Variants in TANC2 observed in about 807,000 individuals in gnomAD.
The protein encoded by TANC2 is protein TANC2.
In TANC2, 26 loss-of-function variants were observed where a neutral mutation model predicts 210.5. That is an observed-to-expected ratio of 0.12 (90% CI 0.09 to 0.17). The LOEUF (loss-of-function observed/expected upper bound fraction) is 0.17. Ranked by LOEUF, TANC2 falls within the 10% of genes least tolerant of loss-of-function variation. The pLI is 1.00. For missense variants in TANC2, 2,129 were observed against 2,608.9 expected, an observed-to-expected ratio of 0.82 and a Z score of 4.01; for synonymous variants, 931 against 967.1, an observed-to-expected ratio of 0.96 and a Z score of 0.69.
chr17:63,274,593 C>T (rs947248216), intron 9 of TANC2, among the ~76,000 whole-genome samples: 2 of 152,164 alleles, frequency 1.3e-5, no homozygotes, highest in African/African-American at 2.4e-5. Flanking sequence ...GTGGAGGGAT[C>T]ACCTGAGGTC....
chr17:63,332,118 T>C, intron 11 of TANC2: 1 of 351,022 alleles, frequency 2.8e-6, no homozygotes. Flanking sequence ...ACAGGAGAAT[T>C]TTTGAGCAGA....
At chr17:63,175,193 G>A (rs538945799) in intron 5 of TANC2, among the ~76,000 whole-genome samples, 1 of 152,192 alleles carries the variant, frequency 6.6e-6, no homozygotes, top group Non-Finnish European at 1.5e-5. Flanking sequence ...GAATAATAAA[G>A]TTAAAGGACT....
chr17:63,043,332 A>G (rs1319611863), intron 2 of TANC2, among the ~76,000 whole-genome samples: 1 of 152,104 alleles, frequency 6.6e-6, no homozygotes, highest in South Asian at 2.1e-4. Context: ...AATCACAAAC[A>G]TGTTTGATTA....
chr17:63,242,754 A>G (rs1242390631), intron 8 of TANC2, among the ~76,000 whole-genome samples: 1 of 152,314 alleles, frequency 6.6e-6, no homozygotes, highest in Admixed American at 6.5e-5. Flanking sequence ...CAACAGGTGA[A>G]TGGATAAACA....
intron 11 of TANC2, among the ~76,000 whole-genome samples, chr17:63,321,425 T>G (rs2045489676): frequency 6.6e-6 from 1 of 152,222 alleles, no homozygotes; most frequent in Non-Finnish European, 1.5e-5. Context: ...ATCCTGTTCT[T>G]GTTTTATGGA....
intron 4 of TANC2, among the ~76,000 whole-genome samples, chr17:63,137,058 C>T (rs1280799994): frequency 6.6e-6 from 1 of 152,120 alleles, no homozygotes; most frequent in African/African-American, 2.4e-5. Context: ...TTCCTAGAGT[C>T]CCAACAGGAA....
At chr17:63,307,933 T>C (rs552568901) in intron 9 of TANC2, among the ~76,000 whole-genome samples, 10 of 152,206 alleles carry the variant, frequency 6.6e-5, no homozygotes, top group Middle Eastern at 3.4e-3. Context: ...GCCCAGCTAA[T>C]TTTTTGTATT....
chr17:63,401,032 G>T (rs917338706), intron 19 of TANC2, among the ~76,000 whole-genome samples: 8 of 152,224 alleles, frequency 5.3e-5, no homozygotes, highest in African/African-American at 1.9e-4. Context: ...ATGTGGCAGT[G>T]ACCCTAGAAC....
chr17:63,207,734 G>T (rs2041766351), intron 7 of TANC2, among the ~76,000 whole-genome samples: 1 of 152,146 alleles, frequency 6.6e-6, no homozygotes, highest in African/African-American at 2.4e-5. Context: ...TCATATGTAT[G>T]ATTCGGAATG....
chr17:63,369,553 CTTTTT>C (rs36014004), intron 14 of TANC2, among the ~76,000 whole-genome samples: 1 of 131,210 alleles, frequency 7.6e-6, no homozygotes, highest in African/African-American at 3.0e-5. Context: ...ATAATTTCAG[CTTTTT>C]TTTTTTTTTT....
chr17:63,186,665 G>A (rs1445372688), intron 5 of TANC2, among the ~76,000 whole-genome samples: 2 of 152,008 alleles, frequency 1.3e-5, no homozygotes, highest in Non-Finnish European at 2.9e-5. Context: ...CTTTCTTCGA[G>A]TCTTCTATAC....
chr17:63,137,984 G>C (rs1179949082), intron 4 of TANC2, among the ~76,000 whole-genome samples: 2 of 152,038 alleles, frequency 1.3e-5, no homozygotes, highest in South Asian at 4.1e-4. Flanking sequence ...CATTTTTCCT[G>C]GGCATATGGG....
chr17:63,186,970 T>G (rs899978863), intron 5 of TANC2, among the ~76,000 whole-genome samples: 2 of 152,224 alleles, frequency 1.3e-5, no homozygotes, highest in Admixed American at 6.5e-5. Flanking sequence ...CAGAATTCCA[T>G]TCAAGGAAAG....
chr17:63,128,591 A>C (rs2038799384), intron 4 of TANC2, among the ~76,000 whole-genome samples: 1 of 152,236 alleles, frequency 6.6e-6, no homozygotes, highest in Non-Finnish European at 1.5e-5. Flanking sequence ...ATGTACATTT[A>C]TATTTTAAGG....
At chr17:63,197,953 G>T (rs1017849936) in intron 6 of TANC2, among the ~76,000 whole-genome samples, 1 of 152,168 alleles carries the variant, frequency 6.6e-6, no homozygotes, top group Non-Finnish European at 1.5e-5. Context: ...TAAATGGCTT[G>T]ATATTTAAGC....
At chr17:63,234,385 CAT>C (rs1567839171) in intron 7 of TANC2, among the ~76,000 whole-genome samples, 1 of 152,132 alleles carries the variant, frequency 6.6e-6, no homozygotes, top group Non-Finnish European at 1.5e-5. Context: ...CATATACACT[CAT>C]ATCATTGGTA....
intron 5 of TANC2, among the ~76,000 whole-genome samples, chr17:63,164,129 C>CTTT (rs529912657): frequency 3.2e-4 from 41 of 126,786 alleles, no homozygotes; most frequent in East Asian, 9.0e-4. Flanking sequence ...GCATCAGCAG[C>CTTT]TTTTTTTTTT....
At chr17:63,025,744 C>T (rs1453216926) in intron 2 of TANC2, among the ~76,000 whole-genome samples, 1 of 150,864 alleles carries the variant, frequency 6.6e-6, no homozygotes. Context: ...TGCAGTGAGC[C>T]GTGATTGCAC....
chr17:63,312,186 T>G (rs1222457980), intron 9 of TANC2, among the ~76,000 whole-genome samples: 3 of 152,232 alleles, frequency 2.0e-5, no homozygotes, highest in Admixed American at 6.5e-5. Flanking sequence ...AAGTTTATTT[T>G]TCATCAAATT....
Sources: gnomAD v4.1 joint callset for allele counts (sites outside exome capture counted in the v4.1 genomes callset) on GRCh38, gnomAD v4.1.1 for gene constraint, MANE v1.5 for transcripts, NCBI Gene and HGNC (gene_info 2026-07-23, HGNC 2026-07-21) for gene names.